Variants in SLC6A16 observed in about 807,000 individuals in gnomAD.
SLC6A16 encodes the protein solute carrier family 6 member 16, also known as orphan sodium- and chloride-dependent neurotransmitter transporter NTT5.
Under a neutral mutation model 65.4 loss-of-function variants are expected in SLC6A16, and 54 were observed. The observed-to-expected ratio is 0.83, with a 90% confidence interval of 0.66 to 1.04. The LOEUF (loss-of-function observed/expected upper bound fraction) is 1.04. Ranked by LOEUF, SLC6A16 falls within the 50% of genes least tolerant of loss-of-function variation. The pLI is 0.00. For missense variants in SLC6A16, 816 were observed against 914.0 expected (o/e 0.89, Z 1.38); for synonymous variants, 330 against 346.5 (o/e 0.95, Z 0.53).
chr19:49,290,084 G>C lies in SLC6A16; in HGVS notation c.*39C>G. The C allele has an allele frequency of 6.3e-7, 1 of 1,594,332 alleles. No homozygotes were observed. Among genetic ancestry groups the C allele is most frequent in the Middle Eastern group, 2.0e-4 (1 of 5,120 alleles). On this transcript the variant is annotated 3_prime_UTR_variant, in exon 12 of 12. Coordinates refer to ENST00000335875, the MANE Select transcript of SLC6A16 (RefSeq NM_014037.3). ...ATATTAAGAGTTGTCTATTGGATCT[G>C]TTCTAAGGGATATGTTATGTGAAGC...
At chr19:49,335,572 T>A in the SLC6A16 span, 1 of 1,614,070 alleles carries the variant, frequency 6.2e-7, no homozygotes, top group Non-Finnish European at 8.5e-7. This position sits in a 1 kb window ranked among gnomAD's most constrained non-coding sequence, Gnocchi z 4.6. Flanking sequence ...CTCAGCCTCA[T>A]CAAGTACTTC....
Position 49,310,341 on chromosome 19 carries a change from T to C in SLC6A16, c.573+12A>G, listed in dbSNP as rs1218426313. ...TGTAAAAGTCAGGCCTGGGCAGCCA[T>C]GGGCTCCTCACCATGAAGCTAGAAT... On this transcript the variant is annotated intron_variant, in intron 3 of 11. Coordinates refer to ENST00000335875, the MANE Select transcript of SLC6A16 (RefSeq NM_014037.3). 6.2e-7 allele frequency: 1 copy of C among 1,613,570 alleles called. No individual in the cohort carries two copies. The highest frequency in any genetic ancestry group is 1.7e-5 in the Admixed American group (1 of 59,926).
At chr19:49,301,625 G>A (rs1471305344) in intron 7 of SLC6A16, among the ~76,000 whole-genome samples, 1 of 152,150 alleles carries the variant, frequency 6.6e-6, no homozygotes, top group Admixed American at 6.5e-5. Flanking sequence ...CACAGCTGAG[G>A]AAACCAACTG....
chr19:49,340,137 CCCCTTCCCG>C, the SLC6A16 span: 4 of 1,528,058 alleles, frequency 2.6e-6, no homozygotes, highest in Non-Finnish European at 3.6e-6. Flanking sequence ...CCTTCTCCAG[CCCCTTCCCG>C]CCCAATTCAC....
chr19:49,306,442 C>A (rs1233882297), intron 7 of SLC6A16, among the ~76,000 whole-genome samples: 1 of 151,428 alleles, frequency 6.6e-6, no homozygotes, highest in African/African-American at 2.4e-5. Context: ...AAACATATTG[C>A]TTTATATAAG....
In SLC6A16 at chr19:49,292,270, GGGA is replaced by G. The variant is rs568494361; in HGVS notation, c.1778+950_1778+952del. 2.0e-4 allele frequency among the ~76,000 whole-genome samples: 31 copies of G among 152,278 alleles called. No individual in the cohort carries two copies. The highest frequency in any genetic ancestry group is 7.0e-4 in the African/African-American group (29 of 41,556). On this transcript the variant is annotated intron_variant, in intron 10 of 11. Coordinates refer to ENST00000335875, the MANE Select transcript of SLC6A16 (RefSeq NM_014037.3). The surrounding 1 kb of genome is among the most constrained non-coding windows in gnomAD (Gnocchi z 4.3). ...TAATCCCAGCTACTCAGAAGGCTGAGGGAGGAGAATTGCTTGAACCCGGGAGGC... is the reference window on the plus strand; with the variant it reads ...TAATCCCAGCTACTCAGAAGGCTGAGGGAGAATTGCTTGAACCCGGGAGGC...
rs149932462 is a variant in SLC6A16, at chr19:49,297,767, C to T, written c.1230-3214G>A. 1.6e-4 allele frequency among the ~76,000 whole-genome samples: 24 copies of T among 152,064 alleles called. 1 individual carries two copies. The highest frequency in any genetic ancestry group is 8.5e-4 in the Admixed American group (13 of 15,272). Reference sequence around the variant, plus strand: ...AATAATACTTAGGAATAAAAAGGAACGAACCTCCAATACATCCAGTATCAT... The same window carrying T: ...AATAATACTTAGGAATAAAAAGGAATGAACCTCCAATACATCCAGTATCAT... On this transcript the variant is annotated intron_variant, in intron 7 of 11. Transcript: ENST00000335875.
At chr19:49,323,829 T>G in intron 1 of SLC6A16, among the ~76,000 whole-genome samples, 1 of 152,112 alleles carries the variant, frequency 6.6e-6, no homozygotes, top group East Asian at 1.9e-4. Context: ...AAAAATAGAA[T>G]TACCATATGA....
At chr19:49,329,973 G>T (rs528483198), upstream of SLC6A16, among the ~76,000 whole-genome samples, 3 of 152,152 alleles carry the variant, frequency 2.0e-5, no homozygotes, top group East Asian at 5.8e-4. Context: ...TTTTTTAATA[G>T]CCAGGTGTGG....
chr19:49,297,369 A>G (rs1352495852), intron 7 of SLC6A16, among the ~76,000 whole-genome samples: 1 of 152,170 alleles, frequency 6.6e-6, no homozygotes, highest in Non-Finnish European at 1.5e-5. Context: ...TAAAATCACA[A>G]TGGCATACCA....
intron 1 of SLC6A16, among the ~76,000 whole-genome samples, chr19:49,323,332 G>A (rs1189740471): frequency 1.3e-5 from 2 of 151,798 alleles, no homozygotes; most frequent in Admixed American, 6.6e-5. Context: ...TGATACCAAA[G>A]GCAAAAGCAA....
chr19:49,308,894 G>GT lies in SLC6A16; in HGVS notation c.1210dup (p.Thr404AsnfsTer6). 6.2e-7 allele frequency: 1 copy of GT among 1,614,190 alleles called. No individual in the cohort carries two copies. The highest frequency in any genetic ancestry group is 8.5e-7 in the Non-Finnish European group (1 of 1,180,054). ...GCCTTACCTCTCACAGCAGCGATGT[G>GT]TGATGACTGTCGCCCAGAAGCCCAG... On this transcript the variant is annotated frameshift_variant, in exon 7 of 12. Transcript: ENST00000335875. LOFTEE classifies it high-confidence loss of function.
the SLC6A16 span, chr19:49,338,634 TGTC>T: frequency 8.3e-7 from 1 of 1,207,038 alleles, no homozygotes; most frequent in Non-Finnish European, 1.2e-6. The surrounding 1 kb of genome is among the most constrained non-coding windows in gnomAD (Gnocchi z 5.0). Flanking sequence ...CCCATCACCT[TGTC>T]CCCTGATCCC....
intron 10 of SLC6A16, 123 bp from the exon 11 acceptor site, chr19:49,290,890 A>C: frequency 3.0e-5 from 26 of 854,880 alleles, no homozygotes; most frequent in Non-Finnish European, 4.5e-5. Flanking sequence ...GTTTCATCTC[A>C]AGTCTTGTCC....
chr19:49,306,411 T>C (rs185959986), intron 7 of SLC6A16, among the ~76,000 whole-genome samples: 16 of 151,934 alleles, frequency 1.1e-4, no homozygotes, highest in South Asian at 2.1e-4. Flanking sequence ...AGAGAATGTA[T>C]ATATGAGGGA....
chr19:49,308,361 G>A (rs1600633613), intron 7 of SLC6A16, among the ~76,000 whole-genome samples: 1 of 152,306 alleles, frequency 6.6e-6, no homozygotes, highest in Non-Finnish European at 1.5e-5. Context: ...GCTGAGGCAG[G>A]AGAATGGCTT....
chr19:49,333,029 G>A, the SLC6A16 span, among the ~76,000 whole-genome samples: 1 of 151,888 alleles, frequency 6.6e-6, no homozygotes, highest in Admixed American at 6.6e-5. Flanking sequence ...AGGTATGGTG[G>A]TGCATGCCTG....
chr19:49,293,133 A>G (rs1254800490), intron 10 of SLC6A16, 90 bp downstream of exon 10: 1 of 1,188,220 alleles, frequency 8.4e-7, no homozygotes, highest in Admixed American at 2.1e-5. Flanking sequence ...CCTATGTCAC[A>G]CTAGGTGGGT....
chr19:49,332,992 T>A, the SLC6A16 span, among the ~76,000 whole-genome samples: 2 of 151,992 alleles, frequency 1.3e-5, no homozygotes, highest in Non-Finnish European at 2.9e-5. Context: ...TGAAACCCTG[T>A]CTGTACTAAA....
Sources: gnomAD v4.1 joint callset for allele counts (sites outside exome capture counted in the v4.1 genomes callset) on GRCh38, gnomAD v4.1.1 for gene constraint, Gnocchi (gnomAD v3.1) non-coding constraint, MANE v1.5 for transcripts, NCBI Gene and HGNC (gene_info 2026-07-23, HGNC 2026-07-21) for gene names.